MUC13: variants seen among roughly 807,000 people sequenced by gnomAD.
The protein encoded by MUC13 is mucin-13.
A neutral mutation model predicts 48.3 loss-of-function variants in MUC13; 32 were observed. The observed-to-expected ratio is 0.66, with a 90% CI of 0.50 to 0.89. The LOEUF (loss-of-function observed/expected upper bound fraction) is 0.89, where lower values mean the gene tolerates loss of function less well. Ranked by LOEUF, MUC13 falls within the 40% of genes least tolerant of loss-of-function variation. MUC13 has a pLI of 0.00. For missense variants in MUC13, 571 were observed against 622.8 expected (o/e 0.92, Z 0.88); for synonymous variants, 199 against 224.9 (o/e 0.88, Z 1.03).
rs1011878517 is a variant in MUC13, at chr3:124,910,590, C to T, written c.1253-91G>A. On this transcript the variant is annotated intron_variant, in intron 9 of 11. Transcript: ENST00000616727. ...TTCGTGTATTCCCAGGGACTCCTAG[C>T]TGTGAAGACGATCAGGTTCTGGTCT... 2.6e-6 allele frequency: 4 copies of T among 1,544,488 alleles called. No individual in the cohort carries two copies. The African/African-American group carries it at 4.1e-5, about 16-fold the overall frequency.
Position 124,916,555 on chromosome 3 carries a change from C to G in MUC13, c.801-75G>C, listed in dbSNP as rs529328230. The G allele has an allele frequency of 3.8e-5, 56 of 1,465,794 alleles. No individual in the cohort carries two copies. In the African/African-American group the frequency reaches 7.6e-4, roughly 20 times the overall value. 90.8% of individuals were successfully genotyped at this position (1,465,794 alleles called of 1,614,324 possible). A position where few individuals can be genotyped will look rare whatever the true frequency, so the allele number is the denominator to read the frequency against. On this transcript the variant is annotated intron_variant, in intron 5 of 11. Transcript: ENST00000616727. ...CAAATAATTCTAATCTCCCAGACTC[C>G]CGAATCTCCCGGCCCTAGTCCTGAC...
chr3:124,930,851 G>A (rs904922570), intron 1 of MUC13, among the ~76,000 whole-genome samples: 2 of 152,176 alleles, frequency 1.3e-5, no homozygotes, highest in Non-Finnish European at 2.9e-5. Flanking sequence ...GTGGAATAAT[G>A]CAGTCCTAGT....
intron 2 of MUC13, among the ~76,000 whole-genome samples, chr3:124,925,392 G>A (rs1049469219): frequency 6.6e-6 from 1 of 152,152 alleles, no homozygotes; most frequent in African/African-American, 2.4e-5. Flanking sequence ...ACATTTATTT[G>A]TCCAAATTCA....
In MUC13 at chr3:124,913,678, G is replaced by T. The variant is rs750821947; in HGVS notation, c.968C>A (p.Thr323Asn). 40 of 1,613,994 alleles carry T rather than the reference G, an allele frequency of 2.5e-5. No homozygotes were observed. In the South Asian group the frequency reaches 4.4e-4, roughly 18 times the overall value. ...SSSNFLNYDL[T>N]LRCDYYGCNQ... ...ACAGCCATAATAATCACACCGAAGG[G>T]TCACTGAGAAGCACAAATAGTTTAA... Residue 323 changes from threonine (T) to asparagine (N), a missense_variant, in exon 7 of 12, where the codon ACC becomes AAC. Coordinates refer to ENST00000616727, the MANE Select transcript of MUC13 (RefSeq NM_033049.4).
intron 2 of MUC13, among the ~76,000 whole-genome samples, chr3:124,926,162 C>T (rs1205459712): frequency 1.3e-5 from 2 of 152,176 alleles, no homozygotes; most frequent in East Asian, 3.8e-4. Flanking sequence ...GCTTTCTCTT[C>T]AGCAACGAAG....
chr3:124,927,115 A>C (rs1935702712), intron 2 of MUC13, among the ~76,000 whole-genome samples: 1 of 152,148 alleles, frequency 6.6e-6, no homozygotes, highest in African/African-American at 2.4e-5. Flanking sequence ...ACAAGGGTAG[A>C]ACTGACTTCT....
chr3:124,923,753 T>G, intron 2 of MUC13, 104 bp from the exon 3 acceptor site: 3 of 1,148,236 alleles, frequency 2.6e-6, no homozygotes, highest in Non-Finnish European at 3.7e-6. Flanking sequence ...GCCCTTTCCA[T>G]TCCTTGCTTG....
At chr3:124,932,842 T>G (rs2107675127) in intron 1 of MUC13, among the ~76,000 whole-genome samples, 1 of 152,258 alleles carries the variant, frequency 6.6e-6, no homozygotes, top group South Asian at 2.1e-4. Context: ...CCCTGGGTTC[T>G]CTGGGTCAAG....
chr3:124,922,830 A>C (rs148025667), intron 3 of MUC13, among the ~76,000 whole-genome samples: 1 of 151,994 alleles, frequency 6.6e-6, no homozygotes, highest in East Asian at 1.9e-4. Context: ...CCCTTCCTTG[A>C]TGTAATCATT....
chr3:124,927,391 A>T, intron 2 of MUC13, 141 bp downstream of exon 2: 1 of 747,118 alleles, frequency 1.3e-6, no homozygotes, highest in Non-Finnish European at 2.2e-6. Context: ...TGTGACACAG[A>T]TTTCAAGCCC....
intron 6 of MUC13, among the ~76,000 whole-genome samples, chr3:124,914,531 C>G (rs1270177417): frequency 6.6e-6 from 1 of 152,184 alleles, no homozygotes; most frequent in Admixed American, 6.5e-5. Context: ...CCTTCATCAC[C>G]TGCCACATGA....
chr3:124,921,516 G>C (rs756262082), intron 4 of MUC13, among the ~76,000 whole-genome samples: 1 of 152,140 alleles, frequency 6.6e-6, no homozygotes, highest in Non-Finnish European at 1.5e-5. Context: ...ACTTTGAGCT[G>C]TATTGGCTGG....
At chr3:124,913,539 T>G (rs1406140318) in intron 7 of MUC13, 23 bp downstream of exon 7, 2 of 1,613,760 alleles carry the variant, frequency 1.2e-6, no homozygotes, top group Non-Finnish European at 1.7e-6. Context: ...TGAAGAACAT[T>G]TAGAAGCAGG....
chr3:124,924,530 A>G (rs1265388886), intron 2 of MUC13, among the ~76,000 whole-genome samples: 6 of 152,212 alleles, frequency 3.9e-5, no homozygotes. Context: ...GAAACCACTG[A>G]TTTCTTTAAA....
chr3:124,922,723 G>A (rs1935623589), intron 3 of MUC13, among the ~76,000 whole-genome samples: 1 of 152,240 alleles, frequency 6.6e-6, no homozygotes, highest in Non-Finnish European at 1.5e-5. Flanking sequence ...TCCTGCCTTG[G>A]CCTCCCAAAG....
intron 6 of MUC13, among the ~76,000 whole-genome samples, chr3:124,915,036 C>T (rs551544224): frequency 3.5e-4 from 54 of 152,202 alleles, no homozygotes; most frequent in Non-Finnish European, 6.6e-4. Context: ...ATGGTGGATG[C>T]GGGCCCAGGA....
chr3:124,934,114 A>G (rs771473765), intron 1 of MUC13, among the ~76,000 whole-genome samples: 1 of 151,950 alleles, frequency 6.6e-6, no homozygotes, highest in African/African-American at 2.4e-5. Context: ...GGCCTCAGGA[A>G]CTCTCAAAGA....
intron 2 of MUC13, among the ~76,000 whole-genome samples, chr3:124,924,132 C>T (rs1935650155): frequency 6.6e-6 from 1 of 152,128 alleles, no homozygotes; most frequent in Non-Finnish European, 1.5e-5. Context: ...GTTAGGCATA[C>T]CTAGGAGACA....
chr3:124,913,458 G>A (rs1376435240), intron 7 of MUC13, 104 bp downstream of exon 7: 8 of 1,561,520 alleles, frequency 5.1e-6, no homozygotes, highest in South Asian at 3.5e-5. Context: ...CAGATCACTC[G>A]GACTCTGAAA....
Sources: gnomAD v4.1 joint callset for allele counts (sites outside exome capture counted in the v4.1 genomes callset) on GRCh38, gnomAD v4.1.1 for gene constraint, MANE v1.5 for transcripts, NCBI Gene and HGNC (gene_info 2026-07-23, HGNC 2026-07-21) for gene names.